The following PCDHGB7 variants were observed in gnomAD, a reference collection of about 807,000 sequenced individuals.
PCDHGB7 encodes the protein protocadherin gamma-B7.
PCDHGB7 carries 37 observed loss-of-function variants against 61.4 expected under a neutral mutation model. That is an observed-to-expected ratio of 0.60 (90% CI 0.46 to 0.79). The LOEUF (loss-of-function observed/expected upper bound fraction) is 0.79. Among genes scored for constraint, PCDHGB7 ranks in the 30% least tolerant of loss-of-function variants. PCDHGB7 has a pLI of 0.00. For missense variants in PCDHGB7, 1,166 were observed against 1,202.5 expected, an observed-to-expected ratio of 0.97 and a Z score of 0.45; for synonymous variants, 464 against 503.5, an observed-to-expected ratio of 0.92 and a Z score of 1.05.
rs1317699369 is a variant in PCDHGB7 at position 141,477,408 on chromosome 5, A to G, written c.2416-17399A>G. The G allele has an allele frequency of 6.2e-7, 1 of 1,614,098 alleles. No homozygotes were observed. ...TACAACCTCAGCATCACCGCCCGAG[A>G]CGCCGGAACCCCTTCCCTCTCAGCC... On this transcript the variant is annotated intron_variant, in intron 1 of 3. Transcript: ENST00000398594. This position sits in a 1 kb window ranked among gnomAD's most constrained non-coding sequence, Gnocchi z 4.9.
At chr5:141,507,442 C>T (rs748782097) in intron 3 of PCDHGB7, among the ~76,000 whole-genome samples, 1 of 152,162 alleles carries the variant, frequency 6.6e-6, no homozygotes, top group African/African-American at 2.4e-5. Flanking sequence ...CTACAGCTGA[C>T]GGAAGGACAG....
In PCDHGB7 at chr5:141,418,596, T is replaced by C; in HGVS notation, c.737T>C (p.Val246Ala). Residue 246 changes from valine to alanine, a missense_variant, in exon 1 of 4, where the codon GTG becomes GCG. Physicochemically the swap from Val to Ala is moderately conservative, Grantham distance 64 (BLOSUM62 0). Coordinates refer to ENST00000398594, the MANE Select transcript of PCDHGB7 (RefSeq NM_018927.4). ...NDNPPVFSQD[V>A]YRVSLREDVP... Reference sequence around the variant, plus strand: ...AACCCCCCAGTGTTCAGCCAGGACGTGTACAGGGTTAGCCTTCGGGAAGAC... The same window carrying C: ...AACCCCCCAGTGTTCAGCCAGGACGCGTACAGGGTTAGCCTTCGGGAAGAC... 8.7e-6 allele frequency: 14 copies of C among 1,614,046 alleles called. No individual in the cohort carries two copies. The highest frequency in any genetic ancestry group is 1.1e-5 in the Non-Finnish European group (13 of 1,179,906).
rs1431536945 is a variant in PCDHGB7, at chr5:141,418,712, G to A, written c.853G>A (p.Ala285Thr). ...SEITYSFFGV[A>T]DKAQHVFSLD... The stretch of plus-strand genomic sequence containing the variant: ...GATCACTTATTCCTTCTTTGGTGTG[G>A]CTGACAAAGCTCAGCACGTGTTCTC... Residue 285 changes from alanine (A) to threonine (T), a missense_variant, in exon 1 of 4, where the codon GCT (alanine) becomes ACT (threonine). Coordinates refer to ENST00000398594, the MANE Select transcript of PCDHGB7 (RefSeq NM_018927.4). 6.2e-7 allele frequency: 1 copy of A among 1,613,976 alleles called. No homozygotes were observed. Among genetic ancestry groups the A allele is most frequent in the African/African-American group, 1.3e-5 (1 of 75,066 alleles).
At chr5:141,474,398 C>A (rs1381347745) in intron 1 of PCDHGB7, among the ~76,000 whole-genome samples, 3 of 152,212 alleles carry the variant, frequency 2.0e-5, no homozygotes, top group Non-Finnish European at 4.4e-5. Context: ...TTCTAACAAG[C>A]TCCCCGGTGA....
intron 1 of PCDHGB7, among the ~76,000 whole-genome samples, chr5:141,429,377 G>GTT (rs566693637): frequency 2.2e-4 from 33 of 149,524 alleles, no homozygotes; most frequent in South Asian, 1.5e-3. Context: ...GAGAAAATGT[G>GTT]TTTTTTTTTT....
chr5:141,494,745 G>C, intron 1 of PCDHGB7, 62 bp from the exon 2 acceptor site: 1 of 1,612,802 alleles, frequency 6.2e-7, no homozygotes, highest in Middle Eastern at 1.7e-4. Flanking sequence ...ATCCCTAGGG[G>C]CTCGGGTGAC....
At chr5:141,459,156 T>C (rs920698328) in intron 1 of PCDHGB7, among the ~76,000 whole-genome samples, 1 of 152,188 alleles carries the variant, frequency 6.6e-6, no homozygotes, top group Non-Finnish European at 1.5e-5. Flanking sequence ...ATATAGAACA[T>C]TTCTATAACC....
chr5:141,490,128 C>T lies in PCDHGB7; in HGVS notation c.2416-4679C>T, dbSNP rs970815408. 1.2e-6 allele frequency: 2 copies of T among 1,614,254 alleles called. No homozygotes were observed. Among genetic ancestry groups the T allele is most frequent in the Non-Finnish European group, 8.5e-7 (1 of 1,180,042 alleles). ...CAGTGCGGAACCTCTTTGGCCTAGA[C>T]CCTAGCAGTGGGGCAATCCATGTGT... On this transcript the variant is annotated intron_variant, in intron 1 of 3. Transcript: ENST00000398594. The surrounding 1 kb of genome is among the most constrained non-coding windows in gnomAD (Gnocchi z 5.4).
chr5:141,498,713 C>T (rs1216279302), intron 2 of PCDHGB7, among the ~76,000 whole-genome samples: 1 of 152,148 alleles, frequency 6.6e-6, no homozygotes, highest in East Asian at 1.9e-4. Flanking sequence ...GGGTGGATCA[C>T]CTGAGGTCAG....
chr5:141,429,729 A>G (rs1362403236), intron 1 of PCDHGB7, among the ~76,000 whole-genome samples: 1 of 152,240 alleles, frequency 6.6e-6, no homozygotes, highest in African/African-American at 2.4e-5. Flanking sequence ...GAAAGTACGT[A>G]GCCAGTTATT....
chr5:141,421,665 C>T, intron 1 of PCDHGB7: 1 of 1,613,854 alleles, frequency 6.2e-7, no homozygotes, highest in African/African-American at 1.3e-5. Context: ...TCAGTGAGCA[C>T]GCAATTCCTG....
At chr5:141,479,391 T>G (rs2099494461) in intron 1 of PCDHGB7, 1 of 152,266 alleles carries the variant, frequency 6.6e-6, no homozygotes, top group Non-Finnish European at 1.5e-5. Flanking sequence ...AGCCCAGGAG[T>G]TCTGGGCTGT....
intron 1 of PCDHGB7, among the ~76,000 whole-genome samples, chr5:141,435,367 A>C (rs2097758993): frequency 1.3e-5 from 2 of 152,194 alleles, no homozygotes; most frequent in African/African-American, 4.8e-5. Flanking sequence ...TTTATCACTT[A>C]AATATACAAT....
chr5:141,471,047 T>C (rs1270779800), intron 1 of PCDHGB7, among the ~76,000 whole-genome samples: 3 of 63,666 alleles, frequency 4.7e-5, no homozygotes. Flanking sequence ...CCAAGCCCTC[T>C]TTTTTTTTTT....
At chr5:141,459,814 T>A (rs757306281) in intron 1 of PCDHGB7, among the ~76,000 whole-genome samples, 2 of 152,256 alleles carry the variant, frequency 1.3e-5, no homozygotes, top group African/African-American at 4.8e-5. Context: ...CTAGAGACAC[T>A]GAGCAACTTT....
intron 1 of PCDHGB7, among the ~76,000 whole-genome samples, chr5:141,454,796 ATTTTTTTTTTTTT>A (rs61612330): frequency 7.8e-5 from 6 of 77,408 alleles, no homozygotes; most frequent in African/African-American, 1.2e-4. Flanking sequence ...CATGGTTCTA[ATTTTTTTTTTTTT>A]TTTTTTTTTT....
At chr5:141,437,887 G>A (rs1289693561) in intron 1 of PCDHGB7, among the ~76,000 whole-genome samples, 12 of 151,946 alleles carry the variant, frequency 7.9e-5, no homozygotes, top group Admixed American at 3.3e-4. Flanking sequence ...ACAGGCACAC[G>A]CCACCACACC....
At chr5:141,428,034 T>A (rs768728101) in intron 1 of PCDHGB7, 8 of 1,607,778 alleles carry the variant, frequency 5.0e-6, no homozygotes, top group Middle Eastern at 1.7e-4. Context: ...AGAGTCCGGC[T>A]ACCTGGTGAC....
In PCDHGB7 at chr5:141,422,240, T is replaced by C. The variant is rs1472994337; in HGVS notation, c.2415+1966T>C. ...ACCACCACGACGATGTTGATCACTG[T>C]TGTGGATGTGAATGATAACGCTCCA... On this transcript the variant is annotated intron_variant, in intron 1 of 3. Coordinates refer to ENST00000398594, the MANE Select transcript of PCDHGB7 (RefSeq NM_018927.4). 1.3e-6 allele frequency: 2 copies of C among 1,566,716 alleles called. No individual in the cohort carries two copies. The highest frequency in any genetic ancestry group is 1.2e-5 in the South Asian group (1 of 81,384).
Sources: allele counts gnomAD v4.1 joint callset (sites outside exome capture counted in the v4.1 genomes callset), GRCh38; gene constraint gnomAD v4.1.1; non-coding constraint Gnocchi (gnomAD v3.1); transcripts MANE v1.5; gene names NCBI Gene and HGNC (gene_info 2026-07-23, HGNC 2026-07-21).